TUSC3: variants seen among roughly 807,000 people sequenced by gnomAD.
TUSC3 encodes the protein dolichyl-diphosphooligosaccharide--protein glycosyltransferase subunit TUSC3.
Under a neutral mutation model 44.8 loss-of-function variants are expected in TUSC3, and 45 were observed. That is an observed-to-expected ratio of 1.00 (90% confidence interval 0.79 to 1.29). TUSC3 has a LOEUF of 1.29. TUSC3 is among the 50% of genes most tolerant of loss of function. TUSC3 has a pLI of 0.00. For synonymous variants in TUSC3, 212 were observed against 152.9 expected (o/e 1.39, Z -2.85); for missense variants, 519 against 437.9 (o/e 1.19, Z -1.65).
intron 7 of TUSC3, among the ~76,000 whole-genome samples, chr8:15,738,654 A>C (rs1811038112): frequency 1.3e-5 from 2 of 151,984 alleles, no homozygotes; most frequent in East Asian, 3.9e-4. Flanking sequence ...AAAAATCCAC[A>C]CTTTTATTAA....
chr8:15,802,372 C>A, the TUSC3 span, among the ~76,000 whole-genome samples: 1 of 152,166 alleles, frequency 6.6e-6, no homozygotes, highest in Non-Finnish European at 1.5e-5. Flanking sequence ...AGCTACTCCT[C>A]AAAGATTAAT....
At chr8:15,428,452 C>T (rs1419353755) in intron 1 of TUSC3, among the ~76,000 whole-genome samples, 1 of 151,864 alleles carries the variant, frequency 6.6e-6, no homozygotes, top group African/African-American at 2.4e-5. Flanking sequence ...GTCTTTATAG[C>T]AGCATGATTT....
chr8:15,526,177 C>T (rs974934040), intron 2 of TUSC3, among the ~76,000 whole-genome samples: 10 of 151,934 alleles, frequency 6.6e-5, no homozygotes, highest in African/African-American at 2.2e-4. Context: ...TGACTACAGG[C>T]GCCCGCCATC....
intron 7 of TUSC3, among the ~76,000 whole-genome samples, chr8:15,734,209 C>T (rs1408000870): frequency 1.3e-5 from 2 of 152,150 alleles, no homozygotes; most frequent in Admixed American, 6.5e-5. Context: ...GTAGAGAGAA[C>T]ATTTCTATCT....
At chr8:15,612,708 A>G (rs1376410235) in intron 1 of TUSC3, among the ~76,000 whole-genome samples, 1 of 152,136 alleles carries the variant, frequency 6.6e-6, no homozygotes, top group Non-Finnish European at 1.5e-5. Context: ...TGACCTTCTA[A>G]CCTTTGTTTT....
chr8:15,834,991 C>T, the TUSC3 span, among the ~76,000 whole-genome samples: 1 of 152,150 alleles, frequency 6.6e-6, no homozygotes, highest in Non-Finnish European at 1.5e-5. Flanking sequence ...TGTAACCAAT[C>T]CCCCAAGTAT....
intron 2 of TUSC3, among the ~76,000 whole-genome samples, chr8:15,521,171 T>G (rs538019997): frequency 6.6e-6 from 1 of 152,304 alleles, no homozygotes; most frequent in African/African-American, 2.4e-5. Flanking sequence ...TTTCTGGCTC[T>G]TTGCCTGCCG....
intron 1 of TUSC3, chr8:15,561,563 C>T (rs911966021): frequency 7.9e-5 from 12 of 152,574 alleles, no homozygotes; most frequent in Non-Finnish European, 1.2e-4. Context: ...CTTTGTTTAC[C>T]TAATCAAGCC....
the TUSC3 span, among the ~76,000 whole-genome samples, chr8:15,810,656 C>G: frequency 6.6e-6 from 1 of 150,836 alleles, no homozygotes; most frequent in Non-Finnish European, 1.5e-5. Flanking sequence ...GGAGGGGGGG[C>G]GGGAAAGAAA....
the TUSC3 span, among the ~76,000 whole-genome samples, chr8:15,847,412 A>C: frequency 6.6e-6 from 1 of 151,810 alleles, no homozygotes; most frequent in Non-Finnish European, 1.5e-5. Context: ...TCTCTCATTC[A>C]CTCGAAATGT....
At chr8:15,668,753 C>G (rs1807795119) in intron 5 of TUSC3, among the ~76,000 whole-genome samples, 2 of 151,886 alleles carry the variant, frequency 1.3e-5, no homozygotes, top group South Asian at 2.1e-4. Context: ...TATTCTTACT[C>G]TTTTCAGGAT....
At chr8:15,650,478 C>T (rs569019979) in intron 2 of TUSC3, among the ~76,000 whole-genome samples, 5 of 151,988 alleles carry the variant, frequency 3.3e-5, no homozygotes, top group South Asian at 2.1e-4. Context: ...GTGGCTGTGT[C>T]GCAATAAAAC....
the TUSC3 span, among the ~76,000 whole-genome samples, chr8:15,811,556 G>T: frequency 2.6e-5 from 4 of 152,190 alleles, no homozygotes; most frequent in Non-Finnish European, 5.9e-5. Flanking sequence ...CAGAGAGCTG[G>T]ATCCAACCAG....
intron 1 of TUSC3, among the ~76,000 whole-genome samples, chr8:15,571,920 T>A (rs1802893253): frequency 6.6e-6 from 1 of 152,148 alleles, no homozygotes; most frequent in Non-Finnish European, 1.5e-5. Context: ...CAGTAAACTG[T>A]GCTTTAAACA....
At chr8:15,439,391 C>A (rs1433507519) in intron 1 of TUSC3, among the ~76,000 whole-genome samples, 1 of 152,056 alleles carries the variant, frequency 6.6e-6, no homozygotes, top group Non-Finnish European at 1.5e-5. Context: ...CACAGTGAGT[C>A]CTTATTTCTA....
chr8:15,833,078 T>C, the TUSC3 span, among the ~76,000 whole-genome samples: 1 of 152,114 alleles, frequency 6.6e-6, no homozygotes, highest in Non-Finnish European at 1.5e-5. Context: ...CAAAAGAAGA[T>C]ATACATGTGA....
chr8:15,697,604 G>T (rs1453076526), intron 6 of TUSC3, among the ~76,000 whole-genome samples: 1 of 152,130 alleles, frequency 6.6e-6, no homozygotes, highest in Non-Finnish European at 1.5e-5. Context: ...TCTCTATAAG[G>T]CTGCACATAC....
the TUSC3 span, among the ~76,000 whole-genome samples, chr8:15,807,951 C>T: frequency 9.2e-5 from 14 of 152,056 alleles, no homozygotes; most frequent in African/African-American, 3.4e-4. Flanking sequence ...TTTGCATCCC[C>T]AACCTTAGCA....
chr8:15,545,697 A>T (rs1801840605), intron 1 of TUSC3, among the ~76,000 whole-genome samples: 1 of 151,766 alleles, frequency 6.6e-6, no homozygotes, highest in African/African-American at 2.4e-5. Flanking sequence ...TCTTCCACAC[A>T]TAGGGCACAG....
Sources: allele counts gnomAD v4.1 joint callset (sites outside exome capture counted in the v4.1 genomes callset), GRCh38; gene constraint gnomAD v4.1.1; transcripts MANE v1.5; gene names NCBI Gene and HGNC (gene_info 2026-07-23, HGNC 2026-07-21).